The following PDZRN4 variants were observed in gnomAD, a reference collection of about 807,000 sequenced individuals.
PDZRN4 encodes the protein PDZ domain containing ring finger 4, also known as PDZ domain-containing RING finger protein 4.
A neutral mutation model predicts 99.0 loss-of-function variants in PDZRN4; 70 were observed. The observed-to-expected ratio is 0.71, with a 90% CI of 0.58 to 0.86. PDZRN4 has a LOEUF of 0.86. PDZRN4 is among the 40% of genes least tolerant of loss of function. The pLI, the probability that PDZRN4 is intolerant of heterozygous loss-of-function variation, is 0.00. For synonymous variants in PDZRN4, 551 were observed against 501.6 expected (o/e 1.10, Z -1.32); for missense variants, 1,474 against 1,331.2 (o/e 1.11, Z -1.67).
intron 3 of PDZRN4, among the ~76,000 whole-genome samples, chr12:41,432,108 A>G (rs1265103845): frequency 6.6e-6 from 1 of 152,240 alleles, no homozygotes; most frequent in East Asian, 1.9e-4. Context: ...ATAAGCACAC[A>G]GTAAATATTT....
chr12:41,250,721 T>TA (rs1951163860), intron 3 of PDZRN4, among the ~76,000 whole-genome samples: 1 of 152,238 alleles, frequency 6.6e-6, no homozygotes, highest in Non-Finnish European at 1.5e-5. Context: ...AAGTTGCACT[T>TA]ACGTGTTGAG....
At chr12:41,255,183 TG>T (rs1231148897) in intron 3 of PDZRN4, among the ~76,000 whole-genome samples, 1 of 152,000 alleles carries the variant, frequency 6.6e-6, no homozygotes, top group Non-Finnish European at 1.5e-5. Flanking sequence ...ACAGGTGTAG[TG>T]GGGCCAGAGT....
intron 3 of PDZRN4, among the ~76,000 whole-genome samples, chr12:41,199,078 T>C (rs1950797671): frequency 6.6e-6 from 1 of 152,198 alleles, no homozygotes; most frequent in South Asian, 2.1e-4. Context: ...AGGCATGTTA[T>C]TGAATCAGAT....
At chr12:41,261,469 G>T (rs988197198) in intron 3 of PDZRN4, among the ~76,000 whole-genome samples, 1 of 151,668 alleles carries the variant, frequency 6.6e-6, no homozygotes, top group African/African-American at 2.4e-5. Flanking sequence ...CAAAGGCAAA[G>T]TAGTTCTATT....
At chr12:41,274,216 G>T (rs897655314) in intron 3 of PDZRN4, among the ~76,000 whole-genome samples, 3 of 151,760 alleles carry the variant, frequency 2.0e-5, no homozygotes, top group Admixed American at 1.3e-4. Flanking sequence ...AAATGTCAGG[G>T]TTTTTAAAAA....
At chr12:41,554,690 A>C (rs1939114328) in intron 6 of PDZRN4, among the ~76,000 whole-genome samples, 1 of 152,202 alleles carries the variant, frequency 6.6e-6, no homozygotes, top group Non-Finnish European at 1.5e-5. Context: ...GCCCATTAAA[A>C]TGCTGATAAG....
chr12:41,338,771 G>A (rs7966075), intron 3 of PDZRN4, among the ~76,000 whole-genome samples: 2,591 of 151,810 alleles, frequency 0.017, 68 homozygotes, highest in African/African-American at 0.059. Flanking sequence ...TAGAAACACT[G>A]AACCAACCGA....
At chr12:41,261,724 C>T (rs1036578629) in intron 3 of PDZRN4, among the ~76,000 whole-genome samples, 4 of 152,110 alleles carry the variant, frequency 2.6e-5, no homozygotes, top group Non-Finnish European at 4.4e-5. Flanking sequence ...CTCCTGACCT[C>T]GTGATCCCCC....
Position 41,489,576 on chromosome 12 carries a change from G to A in PDZRN4, c.844-16880G>A, listed in dbSNP as rs563093453. 6.6e-5 allele frequency among the ~76,000 whole-genome samples: 10 copies of A among 152,186 alleles called. No homozygotes were observed. The South Asian group carries it at 2.1e-3, about 32-fold the overall frequency. Reference sequence around the variant, plus strand: ...ACATGCAGTGTTTAGTATAAGCAATGAGGGGCAGTCAACTCGTCCTTCTCT... The same window carrying A: ...ACATGCAGTGTTTAGTATAAGCAATAAGGGGCAGTCAACTCGTCCTTCTCT... On this transcript the variant is annotated intron_variant, in intron 3 of 9. Coordinates refer to ENST00000402685, the MANE Select transcript of PDZRN4 (RefSeq NM_001164595.2).
intron 5 of PDZRN4, among the ~76,000 whole-genome samples, chr12:41,522,013 A>G (rs1378058771): frequency 6.6e-6 from 1 of 152,102 alleles, no homozygotes; most frequent in Non-Finnish European, 1.5e-5. Flanking sequence ...ACAGCTGTTG[A>G]GCCTTTTTTG....
intron 3 of PDZRN4, among the ~76,000 whole-genome samples, chr12:41,393,892 G>A (rs1952227406): frequency 6.6e-6 from 1 of 152,210 alleles, no homozygotes; most frequent in African/African-American, 2.4e-5. Context: ...TGGTTGTTAG[G>A]TAGGCAGGTA....
intron 3 of PDZRN4, among the ~76,000 whole-genome samples, chr12:41,233,149 AAAG>A (rs1305436560): frequency 3.3e-5 from 5 of 152,158 alleles, no homozygotes; most frequent in Non-Finnish European, 7.4e-5. Context: ...ACACTTCTCA[AAAG>A]AAGACATTTA....
chr12:41,373,125 C>G (rs1274974002), intron 3 of PDZRN4, among the ~76,000 whole-genome samples: 1 of 152,042 alleles, frequency 6.6e-6, no homozygotes, highest in African/African-American at 2.4e-5. Flanking sequence ...GGGTGTGGGT[C>G]ACAGAGATCA....
chr12:41,395,831 A>T (rs1952242292), intron 3 of PDZRN4, among the ~76,000 whole-genome samples: 1 of 152,168 alleles, frequency 6.6e-6, no homozygotes, highest in Non-Finnish European at 1.5e-5. Flanking sequence ...GTATATTAGG[A>T]CACTACCTTA....
At position 41,289,993 on chromosome 12, in the gene PDZRN4, C is replaced by T. The variant is rs147279544; in HGVS notation, c.843+95805C>T. 9.9e-5 allele frequency among the ~76,000 whole-genome samples: 15 copies of T among 152,246 alleles called. No individual in the cohort carries two copies. In the East Asian group the frequency reaches 2.9e-3, roughly 29 times the overall value. On this transcript the variant is annotated intron_variant, in intron 3 of 9. Transcript: ENST00000402685. Reference sequence around the variant, plus strand: ...AAATTTTGACAGCAAGTAGGGCATGCCATCAAATATATAAGCTTAAGGCTA... The same window carrying T: ...AAATTTTGACAGCAAGTAGGGCATGTCATCAAATATATAAGCTTAAGGCTA...
chr12:41,381,328 TTC>T (rs893736686), intron 3 of PDZRN4, among the ~76,000 whole-genome samples: 6 of 150,916 alleles, frequency 4.0e-5, no homozygotes, highest in Non-Finnish European at 1.5e-5. Context: ...CTCTCTCTCT[TTC>T]TCTCTCTCTC....
chr12:41,435,383 C>A (rs1339141959), intron 3 of PDZRN4, among the ~76,000 whole-genome samples: 2 of 152,160 alleles, frequency 1.3e-5, no homozygotes, highest in South Asian at 2.1e-4. Flanking sequence ...GCTTTCATAA[C>A]CTATCACACA....
intron 5 of PDZRN4, among the ~76,000 whole-genome samples, chr12:41,548,113 G>A (rs756816670): frequency 2.0e-5 from 3 of 152,206 alleles, no homozygotes; most frequent in Non-Finnish European, 4.4e-5. Flanking sequence ...ATTATTAGTT[G>A]CAGCAACTTG....
intron 3 of PDZRN4, among the ~76,000 whole-genome samples, chr12:41,442,414 C>G (rs892875190): frequency 4.6e-5 from 7 of 152,110 alleles, no homozygotes; most frequent in Admixed American, 2.0e-4. Context: ...TTCATGTTTG[C>G]CTGCCTGGTA....
Sources: gnomAD v4.1 joint callset for allele counts (sites outside exome capture counted in the v4.1 genomes callset) on GRCh38, gnomAD v4.1.1 for gene constraint, MANE v1.5 for transcripts, NCBI Gene and HGNC (gene_info 2026-07-23, HGNC 2026-07-21) for gene names.